The following NOTCH2NLC variants were observed in gnomAD, a reference collection of about 807,000 sequenced individuals.
The protein encoded by NOTCH2NLC is notch homolog 2 N-terminal-like protein C.
Under a neutral mutation model 17.7 loss-of-function variants are expected in NOTCH2NLC, and 4 were observed. The ratio of observed to expected loss-of-function variants is 0.23; its 90% CI spans 0.11 to 0.52. NOTCH2NLC has a LOEUF of 0.52. Ranked by LOEUF, NOTCH2NLC falls within the 20% of genes least tolerant of loss-of-function variation. The pLI is 0.96. For synonymous variants in NOTCH2NLC, 18 were observed against 86.0 expected, an observed-to-expected ratio of 0.21 and a Z score of 4.38; for missense variants, 57 against 207.2, an observed-to-expected ratio of 0.28 and a Z score of 4.45.
chr1:149,468,769 C>T lies in NOTCH2NLC; in HGVS notation c.*4616C>T, dbSNP rs1185755848. 2.1e-5 allele frequency among the ~76,000 whole-genome samples: 3 copies of T among 143,088 alleles called. 1 individual carries two copies. Among genetic ancestry groups the T allele is most frequent in the African/African-American group, 5.1e-5 (2 of 39,088 alleles). The allele number at this position is 143,088 out of a possible 152,430, so 93.9% of individuals were successfully genotyped here. On this transcript the variant is annotated 3_prime_UTR_variant, in exon 5 of 5. Transcript: ENST00000650865. ...AGGTCAGTAGGGAGATATGAAGGGA[C>T]GCAAGTGGAAGCAGTGAGCCTGGGC...
intron 1 of NOTCH2NLC, among the ~76,000 whole-genome samples, chr1:149,400,705 T>C (rs2084240308): frequency 7.0e-6 from 1 of 143,622 alleles, no homozygotes; most frequent in Non-Finnish European, 1.5e-5. Context: ...TAAAAAAATA[T>C]GTTGGAGAAA....
intron 1 of NOTCH2NLC, among the ~76,000 whole-genome samples, chr1:149,392,645 A>G (rs1272169933): frequency 2.0e-5 from 3 of 151,430 alleles, no homozygotes; most frequent in African/African-American, 4.9e-5. Flanking sequence ...TCCTTGGTCT[A>G]TCATTAACTT....
intron 1 of NOTCH2NLC, among the ~76,000 whole-genome samples, chr1:149,414,307 G>A (rs1164202036): frequency 2.7e-5 from 4 of 150,396 alleles, no homozygotes; most frequent in Non-Finnish European, 5.9e-5. Flanking sequence ...TTATCCTAAT[G>A]ACATGTTAGC....
At chr1:149,462,028 T>C (rs2084653211) in intron 3 of NOTCH2NLC, among the ~76,000 whole-genome samples, 1 of 134,502 alleles carries the variant, frequency 7.4e-6, no homozygotes. Flanking sequence ...ATGTACCTAA[T>C]GTAAATGACG....
Position 149,398,042 on chromosome 1 carries a change from A to T in NOTCH2NLC, c.135+7120A>T, listed in dbSNP as rs1406033163. Among the ~76,000 whole-genome samples, 114 of 149,550 alleles carry T rather than the reference A, an allele frequency of 7.6e-4. 2 individuals carry two copies. Among genetic ancestry groups the T allele is most frequent in the African/African-American group, 2.5e-3 (101 of 40,610 alleles). Reference sequence around the variant, plus strand: ...TAGGAATATGAAATACAGTTATTTTATCATTTATCTATGCTCTCTGAAAGC... The same window carrying T: ...TAGGAATATGAAATACAGTTATTTTTTCATTTATCTATGCTCTCTGAAAGC... On this transcript the variant is annotated intron_variant, in intron 1 of 4. Coordinates refer to ENST00000650865, the MANE Select transcript of NOTCH2NLC (RefSeq NM_001364013.2).
rs2084431160 is a variant in NOTCH2NLC, at chr1:149,429,325, A to G, written c.136-1617A>G. Among the ~76,000 whole-genome samples, 7 of 150,166 alleles carry G rather than the reference A, an allele frequency of 4.7e-5. No individual in the cohort carries two copies. The South Asian group carries it at 1.5e-3, about 32-fold the overall frequency. ...TGGGTATAATAATATCCACCCTGCC[A>G]ATCCTGAGAAATTTCAGGTAGTGGG... On this transcript the variant is annotated intron_variant, in intron 1 of 4. Transcript: ENST00000650865.
intron 1 of NOTCH2NLC, among the ~76,000 whole-genome samples, chr1:149,393,240 GTGTT>G (rs1249292279): frequency 4.0e-5 from 6 of 150,464 alleles, no homozygotes; most frequent in Non-Finnish European, 5.9e-5. Flanking sequence ...GTCAAGTTGA[GTGTT>G]AGTCAAGTTG....
intron 1 of NOTCH2NLC, among the ~76,000 whole-genome samples, chr1:149,410,136 T>C: frequency 1.6e-5 from 1 of 63,070 alleles, no homozygotes; most frequent in African/African-American, 7.1e-5. Flanking sequence ...CATGTTTTTA[T>C]TTGTAGAGAC....
intron 1 of NOTCH2NLC, among the ~76,000 whole-genome samples, chr1:149,421,525 T>C (rs2084379794): frequency 7.1e-6 from 1 of 141,286 alleles, no homozygotes; most frequent in African/African-American, 2.6e-5. Flanking sequence ...AAAAAAGCTT[T>C]AAAAAGGGAG....
chr1:149,454,695 T>C (rs1341388080), intron 2 of NOTCH2NLC, among the ~76,000 whole-genome samples: 2 of 151,202 alleles, frequency 1.3e-5, no homozygotes, highest in Non-Finnish European at 3.0e-5. Context: ...CCCATTCCTG[T>C]ACCTCCTTTC....
intron 2 of NOTCH2NLC, among the ~76,000 whole-genome samples, chr1:149,454,658 A>T (rs1263377607): frequency 6.6e-6 from 1 of 151,228 alleles, no homozygotes; most frequent in African/African-American, 2.4e-5. Flanking sequence ...ATATTAACAG[A>T]TTTTTAAATA....
At chr1:149,460,408 G>A (rs1380199721) in intron 3 of NOTCH2NLC, among the ~76,000 whole-genome samples, 8 of 139,350 alleles carry the variant, frequency 5.7e-5, no homozygotes, top group African/African-American at 1.6e-4. Context: ...GCGCAATCTC[G>A]GTTCACTGCA....
In NOTCH2NLC at chr1:149,390,830, G is replaced by GGCGGCGGCGGCGGCGGCGGCGGCGGC. The variant is rs1216279830; in HGVS notation, c.44_45insCGGCGGCGGCGGCGGCGGCGGCGGCG (p.Asp19GlyfsTer45). 7.5e-7 allele frequency: 1 copy of GGCGGCGGCGGCGGCGGCGGCGGCGGC among 1,329,176 alleles called. No homozygotes were observed. Among genetic ancestry groups the GGCGGCGGCGGCGGCGGCGGCGGCGGC allele is most frequent in the Non-Finnish European group, 9.6e-7 (1 of 1,043,970 alleles). The allele number at this position is 1,329,176 out of a possible 1,614,324, so 82.3% of individuals were successfully genotyped here. On this transcript the variant is annotated frameshift_variant, in exon 1 of 5. Coordinates refer to ENST00000650865, the MANE Select transcript of NOTCH2NLC (RefSeq NM_001364013.2). LOFTEE classifies it high-confidence loss of function. ...CGGCGGCGGCGGCGGCGGCGGCGGC[G>GGCGGCGGCGGCGGCGGCGGCGGCGGC]GAGGAGGCGGCGACCGAGAAGATGC...
At chr1:149,433,822 C>A (rs1483824369) in intron 2 of NOTCH2NLC, among the ~76,000 whole-genome samples, 1 of 150,854 alleles carries the variant, frequency 6.6e-6, no homozygotes, top group African/African-American at 2.4e-5. Context: ...GTGGCACGCA[C>A]CTGTAATCCC....
At chr1:149,394,312 G>A (rs1458766617) in intron 1 of NOTCH2NLC, among the ~76,000 whole-genome samples, 6 of 149,798 alleles carry the variant, frequency 4.0e-5, no homozygotes, top group Non-Finnish European at 7.4e-5. Flanking sequence ...TTACCTTCAG[G>A]TGTGTGTATG....
At chr1:149,440,035 A>G (rs1327283825) in intron 2 of NOTCH2NLC, among the ~76,000 whole-genome samples, 1 of 148,862 alleles carries the variant, frequency 6.7e-6, no homozygotes, top group African/African-American at 2.5e-5. Flanking sequence ...AGAGCATTCT[A>G]TCCAGTTTTT....
At chr1:149,399,213 T>A (rs1488995623) in intron 1 of NOTCH2NLC, among the ~76,000 whole-genome samples, 1 of 151,338 alleles carries the variant, frequency 6.6e-6, no homozygotes, top group Non-Finnish European at 1.5e-5. Flanking sequence ...GTTTGCTTCT[T>A]TTTCATCTCT....
chr1:149,440,978 A>G (rs2084515652), intron 2 of NOTCH2NLC, among the ~76,000 whole-genome samples: 1 of 150,650 alleles, frequency 6.6e-6, no homozygotes, highest in South Asian at 2.1e-4. Flanking sequence ...AGCTGGGAGC[A>G]ATTGTGCTCC....
chr1:149,460,854 C>CCTTTCTTT (rs1169297627), intron 3 of NOTCH2NLC, among the ~76,000 whole-genome samples: 1 of 113,836 alleles, frequency 8.8e-6, no homozygotes, highest in Non-Finnish European at 1.8e-5. Flanking sequence ...TTTCTTTCTC[C>CCTTTCTTT]CTTTCTTTCT....
Sources: gnomAD v4.1 joint callset for allele counts (sites outside exome capture counted in the v4.1 genomes callset) on GRCh38, gnomAD v4.1.1 for gene constraint, MANE v1.5 for transcripts, NCBI Gene and HGNC (gene_info 2026-07-23, HGNC 2026-07-21) for gene names.